The following VPS13C variants were observed in gnomAD, a reference collection of about 807,000 sequenced individuals.
VPS13C encodes the protein vacuolar protein sorting 13 homolog C.
A neutral mutation model predicts 456.8 loss-of-function variants in VPS13C; 358 were observed. That is an observed-to-expected ratio of 0.78 (90% CI 0.72 to 0.86). The LOEUF is 0.86. Ranked by LOEUF, VPS13C falls within the 40% of genes least tolerant of loss-of-function variation. The probability of loss-of-function intolerance (pLI) is 0.00; values close to 1 mark genes in which losing one functional copy is unlikely to be tolerated. For missense variants in VPS13C, 4,818 were observed against 4,385.4 expected (o/e 1.10, Z -2.79); for synonymous variants, 1,578 against 1,486.7 (o/e 1.06, Z -1.41).
chr15:61,932,693 T>C (rs1003797325), intron 49 of VPS13C, among the ~76,000 whole-genome samples: 3 of 152,198 alleles, frequency 2.0e-5, no homozygotes, highest in Non-Finnish European at 4.4e-5. Context: ...AGATAGTATG[T>C]TGATGCAATT....
chr15:61,967,328 G>C (rs1271087089), intron 29 of VPS13C, 40 bp downstream of exon 29: 2 of 1,502,836 alleles, frequency 1.3e-6, no homozygotes, highest in Admixed American at 1.8e-5. Context: ...GAAATAGTTT[G>C]GAGTAAACAA....
At position 61,922,827 on chromosome 15, in the gene VPS13C, C is replaced by T. The variant is rs540776993; in HGVS notation, c.6610-65G>A. The stretch of plus-strand genomic sequence containing the variant: ...TTTCCCAGATGAGAATATATACATA[C>T]ATGATTTTAAGTGACATACATTAAT... On this transcript the variant is annotated intron_variant, in intron 53 of 84. Transcript: ENST00000644861. The T allele has an allele frequency of 2.8e-5, 37 of 1,302,410 alleles. No individual in the cohort carries two copies. In the East Asian group the frequency reaches 9.0e-4, roughly 32 times the overall value. The allele number at this position is 1,302,410 out of a possible 1,614,324, so 80.7% of individuals were successfully genotyped here.
At chr15:62,033,347 A>G in intron 5 of VPS13C, 94 bp downstream of exon 5, 1 of 711,668 alleles carries the variant, frequency 1.4e-6, no homozygotes. Context: ...TAGAACTTCA[A>G]CTTATGAAGG....
intron 67 of VPS13C, 23 bp from the exon 68 acceptor site, chr15:61,884,292 T>A (rs1442994976): frequency 2.5e-6 from 4 of 1,604,172 alleles, no homozygotes; most frequent in Non-Finnish European, 2.5e-6. Flanking sequence ...CACAAAAAAA[T>A]TAAATTAGCA....
chr15:62,037,452 A>T (rs1347338499), intron 3 of VPS13C, among the ~76,000 whole-genome samples: 54 of 129,234 alleles, frequency 4.2e-4, no homozygotes, highest in Non-Finnish European at 5.4e-4. Flanking sequence ...TTAAATAAAT[A>T]TATAAATATA....
intron 1 of VPS13C, among the ~76,000 whole-genome samples, chr15:62,059,880 A>G (rs1484597872): frequency 5.3e-5 from 8 of 152,224 alleles, no homozygotes; most frequent in Non-Finnish European, 4.4e-5. Context: ...CTTCGAGCGT[A>G]TATGACCAGA....
chr15:61,873,613 G>A (rs1457255812), intron 77 of VPS13C, among the ~76,000 whole-genome samples: 1 of 151,870 alleles, frequency 6.6e-6, no homozygotes, highest in Non-Finnish European at 1.5e-5. Flanking sequence ...CAAAACCACA[G>A]TGAGATATTA....
intron 63 of VPS13C, among the ~76,000 whole-genome samples, chr15:61,911,494 T>TG (rs1448150260): frequency 6.6e-6 from 1 of 152,200 alleles, no homozygotes; most frequent in African/African-American, 2.4e-5. Context: ...CAGACTTTTA[T>TG]GACTCTTTTA....
At chr15:62,008,442 G>C (rs566218414) in intron 14 of VPS13C, among the ~76,000 whole-genome samples, 4 of 151,930 alleles carry the variant, frequency 2.6e-5, no homozygotes, top group Non-Finnish European at 5.9e-5. Context: ...AAATACAAGT[G>C]GATGTTCATA....
chr15:61,996,817 A>C (rs2046397314), intron 16 of VPS13C, among the ~76,000 whole-genome samples: 1 of 148,740 alleles, frequency 6.7e-6, no homozygotes, highest in African/African-American at 2.6e-5. Flanking sequence ...TAGAGAGAGA[A>C]AAAAGACTGC....
At chr15:61,978,576 C>A in intron 23 of VPS13C, 50 bp downstream of exon 23, 1 of 1,585,334 alleles carries the variant, frequency 6.3e-7, no homozygotes, top group Non-Finnish European at 8.6e-7. Flanking sequence ...GTATATTACA[C>A]AAACTACCCA....
Position 61,921,907 on chromosome 15 carries a change from T to C in VPS13C, c.7062+40A>G, listed in dbSNP as rs149194288. On this transcript the variant is annotated intron_variant, in intron 55 of 84. Coordinates refer to ENST00000644861, the MANE Select transcript of VPS13C (RefSeq NM_020821.3). ...AATAAAAACTATGAATGAATATGCA[T>C]AGTATCATTCTATCCAAAGATATTT... 28 of 1,565,050 alleles carry C rather than the reference T, an allele frequency of 1.8e-5. No individual in the cohort carries two copies. In the African/African-American group the frequency reaches 2.6e-4, roughly 14 times the overall value.
chr15:61,889,720 A>G (rs888043923), intron 67 of VPS13C, among the ~76,000 whole-genome samples: 1 of 152,020 alleles, frequency 6.6e-6, no homozygotes, highest in Non-Finnish European at 1.5e-5. Context: ...CTTTTTTCCA[A>G]TTTGTTTCTG....
chr15:62,006,510 G>T (rs902084774), intron 15 of VPS13C, among the ~76,000 whole-genome samples: 1 of 152,132 alleles, frequency 6.6e-6, no homozygotes, highest in Non-Finnish European at 1.5e-5. Context: ...ATCGTTGTTG[G>T]ACATTTGGAT....
chr15:62,054,461 T>G (rs1041086086), intron 1 of VPS13C, among the ~76,000 whole-genome samples: 5 of 152,170 alleles, frequency 3.3e-5, no homozygotes, highest in Non-Finnish European at 7.3e-5. Flanking sequence ...CAATAGAAGA[T>G]TGATACCTCT....
At chr15:61,915,067 CG>C (rs1407965299) in intron 61 of VPS13C, among the ~76,000 whole-genome samples, 1 of 151,448 alleles carries the variant, frequency 6.6e-6, no homozygotes, top group Non-Finnish European at 1.5e-5. Flanking sequence ...ATATCAGGAA[CG>C]ATGAAGAAGA....
intron 18 of VPS13C, among the ~76,000 whole-genome samples, chr15:61,987,465 C>T (rs2046090832): frequency 6.6e-6 from 1 of 152,166 alleles, no homozygotes; most frequent in Non-Finnish European, 1.5e-5. Context: ...AGGGGAACTC[C>T]CATGTGTAAA....
intron 81 of VPS13C, chr15:61,866,692 T>C (rs1249991229): frequency 1.6e-5 from 16 of 985,120 alleles, no homozygotes; most frequent in Non-Finnish European, 1.8e-5. Flanking sequence ...TGTTTTGTTA[T>C]ACTTGGTCCC....
Position 61,964,800 on chromosome 15 carries a change from T to G in VPS13C, c.3113A>C (p.Tyr1038Ser). The G allele has an allele frequency of 6.2e-7, 1 of 1,612,442 alleles. No individual in the cohort carries two copies. The highest frequency in any genetic ancestry group is 2.2e-5 in the East Asian group (1 of 44,836). Residue 1038 changes from tyrosine (Y) to serine (S), a missense_variant, in exon 31 of 85, where the codon TAC (tyrosine) becomes TCC (serine). Transcript: ENST00000644861. ...QTQALVASIN[Y>S]LTTIIPSDDQ... ...ATCAGATGGAATAATGGTTGTGAGG[T>G]AATTAATAGAAGCGACAAGAGCTTG...
Sources: gnomAD v4.1 joint callset for allele counts (sites outside exome capture counted in the v4.1 genomes callset) on GRCh38, gnomAD v4.1.1 for gene constraint, MANE v1.5 for transcripts, NCBI Gene and HGNC (gene_info 2026-07-23, HGNC 2026-07-21) for gene names.